The following DNAJC5B variants were observed in gnomAD, a reference collection of about 807,000 sequenced individuals.
DNAJC5B encodes DnaJ heat shock protein family (Hsp40) member C5 beta, also known as dnaJ homolog subfamily C member 5B.
A neutral mutation model predicts 24.7 loss-of-function variants in DNAJC5B; 23 were observed. The observed-to-expected ratio is 0.93, with a 90% CI of 0.67 to 1.32. The LOEUF (loss-of-function observed/expected upper bound fraction) is 1.32. Ranked by LOEUF, DNAJC5B falls within the 40% of genes most tolerant of loss-of-function variation. The probability of loss-of-function intolerance (pLI) is 0.00; values close to 1 mark genes in which losing one functional copy is unlikely to be tolerated. For synonymous variants in DNAJC5B, 101 were observed against 90.1 expected (o/e 1.12, Z -0.68); for missense variants, 238 against 240.8 (o/e 0.99, Z 0.08).
intron 2 of DNAJC5B, among the ~76,000 whole-genome samples, chr8:66,044,788 G>A (rs183156832): frequency 8.3e-4 from 127 of 152,198 alleles, no homozygotes; most frequent in African/African-American, 2.7e-3. Flanking sequence ...GACTTTTCTC[G>A]ACAAGATTTT....
chr8:66,087,190 C>T (rs1237335962), intron 5 of DNAJC5B, among the ~76,000 whole-genome samples: 1 of 152,104 alleles, frequency 6.6e-6, no homozygotes, highest in Non-Finnish European at 1.5e-5. Context: ...AAGAAGCAAG[C>T]ACCTTCTTCA....
intron 5 of DNAJC5B, among the ~76,000 whole-genome samples, chr8:66,093,658 C>G (rs1308984060): frequency 1.3e-5 from 2 of 152,038 alleles, no homozygotes; most frequent in African/African-American, 4.8e-5. Context: ...AAAACATATT[C>G]TCCCAGTTTG....
intron 2 of DNAJC5B, among the ~76,000 whole-genome samples, chr8:66,044,458 A>G (rs928673610): frequency 6.6e-6 from 1 of 151,736 alleles, no homozygotes; most frequent in Non-Finnish European, 1.5e-5. Context: ...TAATAGATAT[A>G]GGTGAAGCTT....
At chr8:66,064,369 C>T (rs1807144566) in intron 3 of DNAJC5B, among the ~76,000 whole-genome samples, 1 of 152,102 alleles carries the variant, frequency 6.6e-6, no homozygotes, top group Admixed American at 6.6e-5. Context: ...GGAACTTAAG[C>T]CAGAAGCCGG....
chr8:66,081,357 C>T (rs1452310506), intron 5 of DNAJC5B, among the ~76,000 whole-genome samples: 3 of 152,140 alleles, frequency 2.0e-5, no homozygotes, highest in African/African-American at 7.2e-5. Flanking sequence ...CATTCTCTCC[C>T]ATTATTCTCT....
At position 66,054,478 on chromosome 8, in the gene DNAJC5B, A is replaced by T. The variant is rs142082681; in HGVS notation, c.119+2812A>T. Among the ~76,000 whole-genome samples, 1,212 of 152,110 alleles carry T rather than the reference A, an allele frequency of 8.0e-3. 15 individuals carry two copies. The highest frequency in any genetic ancestry group is 0.028 in the African/African-American group (1,143 of 41,486). On this transcript the variant is annotated intron_variant, in intron 3 of 5. Coordinates refer to ENST00000276570, the MANE Select transcript of DNAJC5B (RefSeq NM_033105.6). ...GGAATGAGGTAGAATTCCAGATCTG[A>T]TTTTTTCCCAAATCCTTAGCCCACT... is the stretch of plus-strand genomic sequence containing the variant.
upstream of DNAJC5B, among the ~76,000 whole-genome samples, chr8:66,018,827 G>A (rs1443152055): frequency 1.3e-5 from 2 of 152,212 alleles, no homozygotes; most frequent in Non-Finnish European, 2.9e-5. Flanking sequence ...GAATTTAAGT[G>A]TTGACAAAAT....
intron 5 of DNAJC5B, among the ~76,000 whole-genome samples, chr8:66,096,831 T>C (rs1301607793): frequency 6.6e-6 from 1 of 152,170 alleles, no homozygotes; most frequent in Non-Finnish European, 1.5e-5. Flanking sequence ...TATCCATTGG[T>C]ATTTATTATC....
At chr8:66,077,967 AC>A (rs1807507715) in intron 4 of DNAJC5B, among the ~76,000 whole-genome samples, 1 of 151,894 alleles carries the variant, frequency 6.6e-6, no homozygotes, top group South Asian at 2.1e-4. Flanking sequence ...GAGTGTACAC[AC>A]CGACAATGTC....
chr8:66,065,398 G>A (rs1277118465), intron 3 of DNAJC5B, among the ~76,000 whole-genome samples: 1 of 152,238 alleles, frequency 6.6e-6, no homozygotes, highest in Admixed American at 6.5e-5. Flanking sequence ...ATGTACTATG[G>A]TAGCAGGTGT....
chr8:66,053,507 T>C (rs1214141769), intron 3 of DNAJC5B, among the ~76,000 whole-genome samples: 1 of 152,222 alleles, frequency 6.6e-6, no homozygotes, highest in Non-Finnish European at 1.5e-5. Flanking sequence ...GGCAATAACA[T>C]TTATCCATAA....
chr8:66,038,075 C>G (rs941639835), intron 1 of DNAJC5B, among the ~76,000 whole-genome samples: 1 of 152,204 alleles, frequency 6.6e-6, no homozygotes, highest in Non-Finnish European at 1.5e-5. Flanking sequence ...TTCACTTGCT[C>G]CATTCAGTCT....
Position 66,100,083 on chromosome 8 carries a change from C to G in DNAJC5B, c.*52C>G, listed in dbSNP as rs1275770540. 6.5e-7 allele frequency: 1 copy of G among 1,535,718 alleles called. No individual in the cohort carries two copies. The highest frequency in any genetic ancestry group is 1.4e-5 in the African/African-American group (1 of 73,128). The stretch of plus-strand genomic sequence containing the variant: ...CCCTCCTCTCAGTTCAGTCTTGTCT[C>G]CAGATGGTCGTAGGGGAGCGTGTGG... On this transcript the variant is annotated 3_prime_UTR_variant, in exon 6 of 6. Transcript: ENST00000276570.
intron 5 of DNAJC5B, among the ~76,000 whole-genome samples, chr8:66,099,358 T>C (rs575869600): frequency 6.6e-6 from 1 of 152,302 alleles, no homozygotes; most frequent in South Asian, 2.1e-4. Flanking sequence ...AATCTCTCTG[T>C]AGATTTAGGA....
intron 1 of DNAJC5B, among the ~76,000 whole-genome samples, chr8:66,030,104 ATGG>A (rs1485084399): frequency 6.6e-6 from 1 of 152,178 alleles, no homozygotes; most frequent in East Asian, 1.9e-4. Context: ...TGTAAATGTA[ATGG>A]AGCCTGTCTT....
chr8:66,079,136 A>G (rs1807536000), intron 4 of DNAJC5B, among the ~76,000 whole-genome samples: 1 of 152,174 alleles, frequency 6.6e-6, no homozygotes, highest in African/African-American at 2.4e-5. Flanking sequence ...GCTATAACAA[A>G]CAGCGAGCAA....
intron 5 of DNAJC5B, among the ~76,000 whole-genome samples, chr8:66,093,661 C>G (rs1807893278): frequency 6.6e-6 from 1 of 151,906 alleles, no homozygotes; most frequent in South Asian, 2.1e-4. Flanking sequence ...ACATATTCTC[C>G]CAGTTTGTGA....
upstream of DNAJC5B, among the ~76,000 whole-genome samples, chr8:66,018,624 G>T (rs1806024549): frequency 6.6e-6 from 1 of 152,200 alleles, no homozygotes; most frequent in Non-Finnish European, 1.5e-5. Context: ...TTGTTCTCAA[G>T]TATTTGTGTA....
chr8:66,043,382 A>T (rs1169156610), intron 1 of DNAJC5B, 106 bp from the exon 2 acceptor site: 2 of 152,208 alleles, frequency 1.3e-5, no homozygotes, highest in African/African-American at 2.4e-5. Flanking sequence ...CAGTCAACAA[A>T]GGATCAAAAG....
Sources: allele counts gnomAD v4.1 joint callset (sites outside exome capture counted in the v4.1 genomes callset), GRCh38; gene constraint gnomAD v4.1.1; transcripts MANE v1.5; gene names NCBI Gene and HGNC (gene_info 2026-07-23, HGNC 2026-07-21).